RALGAPA1: variants seen among roughly 807,000 people sequenced by gnomAD.
The protein encoded by RALGAPA1 is ral GTPase-activating protein subunit alpha-1.
In RALGAPA1, 52 loss-of-function variants were observed where a neutral mutation model predicts 269.6. The observed-to-expected ratio is 0.19, with a 90% confidence interval of 0.15 to 0.24. The LOEUF is 0.24. Among genes scored for constraint, RALGAPA1 ranks in the 10% least tolerant of loss-of-function variants. The pLI is 1.00. For synonymous variants in RALGAPA1, 817 were observed against 1,008.3 expected (o/e 0.81, Z 3.60); for missense variants, 1,917 against 3,013.9 (o/e 0.64, Z 8.52).
intron 37 of RALGAPA1, among the ~76,000 whole-genome samples, chr14:35,580,740 G>A (rs1247584754): frequency 6.6e-6 from 1 of 152,044 alleles, no homozygotes; most frequent in Non-Finnish European, 1.5e-5. Flanking sequence ...ACTAAAATTA[G>A]TTTCTATAAA....
chr14:35,561,066 A>G (rs889789187), intron 39 of RALGAPA1, among the ~76,000 whole-genome samples: 3 of 151,834 alleles, frequency 2.0e-5, no homozygotes, highest in Admixed American at 6.6e-5. Context: ...TGTCACTACT[A>G]AAAATACAAA....
At chr14:35,637,005 T>A (rs965101709) in intron 31 of RALGAPA1, among the ~76,000 whole-genome samples, 1 of 152,068 alleles carries the variant, frequency 6.6e-6, no homozygotes, top group Non-Finnish European at 1.5e-5. Context: ...CCACCTTAAG[T>A]GTGAGAATAT....
At chr14:35,713,771 T>C (rs951062013) in intron 16 of RALGAPA1, among the ~76,000 whole-genome samples, 2 of 152,158 alleles carry the variant, frequency 1.3e-5, no homozygotes, top group African/African-American at 4.8e-5. Context: ...CACTTTAGAC[T>C]AAAAATGATT....
intron 2 of RALGAPA1, 62 bp downstream of exon 2, chr14:35,775,573 G>C: frequency 6.6e-7 from 1 of 1,511,368 alleles, no homozygotes; most frequent in Non-Finnish European, 8.8e-7. Context: ...CAGCCTTTAA[G>C]TTATGTTTAT....
At chr14:35,724,947 AAAAC>A (rs1459337270) in intron 14 of RALGAPA1, 73 bp downstream of exon 14, 120 of 1,205,482 alleles carry the variant, frequency 1.0e-4, no homozygotes, top group Non-Finnish European at 1.2e-4. Flanking sequence ...TGAATTTTAA[AAAAC>A]AAACAAACAA....
At chr14:35,686,009 T>C (rs977503703) in intron 19 of RALGAPA1, among the ~76,000 whole-genome samples, 2 of 152,192 alleles carry the variant, frequency 1.3e-5, no homozygotes, top group Admixed American at 6.5e-5. Flanking sequence ...AGATAACTTT[T>C]AAGTCTCTTC....
At chr14:35,728,595 C>A (rs1022198032) in intron 12 of RALGAPA1, 85 bp from the exon 13 acceptor site, 19 of 1,417,444 alleles carry the variant, frequency 1.3e-5, no homozygotes, top group Non-Finnish European at 1.8e-5. Flanking sequence ...ACTGATCACA[C>A]TGTGGGTAAA....
At chr14:35,791,152 C>A (rs4982307) in intron 1 of RALGAPA1, among the ~76,000 whole-genome samples, 26,563 of 152,020 alleles carry the variant, frequency 0.17, 4,298 homozygotes, top group East Asian at 0.44. Flanking sequence ...ATAGCAGCAA[C>A]AGAGGCATAA....
intron 39 of RALGAPA1, among the ~76,000 whole-genome samples, chr14:35,562,592 T>A (rs1017333251): frequency 6.6e-6 from 1 of 152,194 alleles, no homozygotes; most frequent in East Asian, 1.9e-4. Flanking sequence ...CTTATTGATG[T>A]ATCAGAGGCA....
chr14:35,560,103 A>C (rs977235362), intron 39 of RALGAPA1, among the ~76,000 whole-genome samples: 10 of 152,250 alleles, frequency 6.6e-5, no homozygotes, highest in Admixed American at 4.6e-4. Context: ...GCTTCGCTAG[A>C]AAATGAAAAA....
At chr14:35,767,052 T>G (rs967798679) in intron 4 of RALGAPA1, 2 of 347,196 alleles carry the variant, frequency 5.8e-6, no homozygotes, top group Admixed American at 4.5e-5. Context: ...CAAGAACTTA[T>G]GGATGATTGT....
chr14:35,799,077 A>T (rs902968742), intron 1 of RALGAPA1, among the ~76,000 whole-genome samples: 1 of 152,138 alleles, frequency 6.6e-6, no homozygotes, highest in Admixed American at 6.5e-5. Flanking sequence ...ATTACTTAAA[A>T]ATCTTTAAAA....
At chr14:35,552,665 T>C (rs2055135756) in intron 39 of RALGAPA1, among the ~76,000 whole-genome samples, 1 of 151,664 alleles carries the variant, frequency 6.6e-6, no homozygotes, top group Non-Finnish European at 1.5e-5. Context: ...ATAAAAACCA[T>C]TTGATGAGGG....
chr14:35,805,681 T>C (rs2077318196), intron 1 of RALGAPA1, among the ~76,000 whole-genome samples: 1 of 150,440 alleles, frequency 6.6e-6, no homozygotes, highest in Admixed American at 6.6e-5. Flanking sequence ...TTTTTTCTTT[T>C]TCTTTTTTTT....
chr14:35,629,157 AT>A (rs2061167942), intron 33 of RALGAPA1, among the ~76,000 whole-genome samples: 1 of 152,110 alleles, frequency 6.6e-6, no homozygotes, highest in South Asian at 2.1e-4. Context: ...CCAGTTTGGG[AT>A]TGAGTGGTGT....
rs1360200218 is a variant in RALGAPA1, at chr14:35,627,725, C to T, written c.6222G>A (p.Val2074=). ...CTTCTGATCTGATCTGGATACAGGA[C>T]ACTAAGGTTGTATTATTTAACACAA... ...QFFVLNNTTL[V]SCIQIRSEEN... The change falls in exon 34 of 42, where the codon GTG becomes GTA. Residue 2074 remains valine (V), a synonymous_variant. Coordinates refer to ENST00000680220, the MANE Select transcript of RALGAPA1 (RefSeq NM_001346249.2). 1.2e-6 allele frequency: 2 copies of T among 1,613,446 alleles called. No individual in the cohort carries two copies. The highest frequency in any genetic ancestry group is 2.7e-5 in the African/African-American group (2 of 75,034).
At chr14:35,808,593 C>G in intron 1 of RALGAPA1, 137 bp downstream of exon 1, 1 of 846,912 alleles carries the variant, frequency 1.2e-6, no homozygotes, top group Non-Finnish European at 1.8e-6. Context: ...AATTATTCAC[C>G]CTCCCGCGTC....
chr14:35,766,995 T>C (rs1191192872), intron 4 of RALGAPA1: 17 of 372,406 alleles, frequency 4.6e-5, no homozygotes, highest in African/African-American at 8.6e-5. Context: ...CTTCTTACAG[T>C]AGCCAGATGG....
chr14:35,661,985 G>A (rs1175671376), intron 27 of RALGAPA1, among the ~76,000 whole-genome samples: 1 of 152,162 alleles, frequency 6.6e-6, no homozygotes, highest in Non-Finnish European at 1.5e-5. Context: ...GGGGTAGGGA[G>A]ATGTATACGA....
Sources: allele counts gnomAD v4.1 joint callset (sites outside exome capture counted in the v4.1 genomes callset), GRCh38; gene constraint gnomAD v4.1.1; transcripts MANE v1.5; gene names NCBI Gene and HGNC (gene_info 2026-07-23, HGNC 2026-07-21).